Variants in SLC26A11 observed in about 807,000 individuals in gnomAD.
SLC26A11 encodes sodium-independent sulfate anion transporter.
SLC26A11 carries 58 observed loss-of-function variants against 62.2 expected under a neutral mutation model. That is an observed-to-expected ratio of 0.93 (90% confidence interval 0.76 to 1.16). SLC26A11 has a LOEUF of 1.16. Among genes scored for constraint, SLC26A11 ranks in the 50% most tolerant of loss-of-function variants. SLC26A11 has a pLI of 0.00. For synonymous variants in SLC26A11, 411 were observed against 368.9 expected, an observed-to-expected ratio of 1.11 and a Z score of -1.31; for missense variants, 790 against 794.3, an observed-to-expected ratio of 0.99 and a Z score of 0.06.
rs528758397 is a variant in SLC26A11 at position 80,242,909 on chromosome 17, A to G, written c.1036+1088A>G. Among the ~76,000 whole-genome samples, 3 of 152,148 alleles carry G rather than the reference A, an allele frequency of 2.0e-5. No individual in the cohort carries two copies. The South Asian group carries it at 6.2e-4, about 32-fold the overall frequency. ...TTTTTAGTAGAGACGGGGTTTCACC[A>G]TATTGATCAGGCTGGTCTCAAACTC... On this transcript the variant is annotated intron_variant, in intron 10 of 17. Transcript: ENST00000361193.
At chr17:80,250,938 T>G (rs2043139689) in intron 16 of SLC26A11, among the ~76,000 whole-genome samples, 1 of 151,710 alleles carries the variant, frequency 6.6e-6, no homozygotes, top group African/African-American at 2.4e-5. Flanking sequence ...GCCAGGAGTT[T>G]GAGACCAGCC....
intron 7 of SLC26A11, among the ~76,000 whole-genome samples, chr17:80,234,614 C>T (rs923794415): frequency 3.3e-5 from 5 of 152,246 alleles, no homozygotes; most frequent in African/African-American, 1.2e-4. Flanking sequence ...TATGCGATTC[C>T]ACAGACTTTC....
Position 80,223,184 on chromosome 17 carries a change from C to T in SLC26A11, c.428-68C>T. 6.9e-7 allele frequency: 1 copy of T among 1,441,854 alleles called. No individual in the cohort carries two copies. Among genetic ancestry groups the T allele is most frequent in the Non-Finnish European group, 9.7e-7 (1 of 1,028,302 alleles). 89.3% of individuals were successfully genotyped at this position (1,441,854 alleles called of 1,614,324 possible). A position where few individuals can be genotyped will look rare whatever the true frequency, so the allele number is the denominator to read the frequency against. On this transcript the variant is annotated intron_variant, in intron 4 of 17. Transcript: ENST00000361193. The surrounding 1 kb of genome is among the most constrained non-coding windows in gnomAD (Gnocchi z 4.6). The stretch of plus-strand genomic sequence containing the variant: ...ACCCATTGCCACCTTCCCCAGCTCA[C>T]ATCTCCCCTCATCCTCTGGGACTGG...
Position 80,222,955 on chromosome 17 carries a change from ATGTATG to A in SLC26A11, c.427+112_427+117del. On this transcript the variant is annotated intron_variant, in intron 4 of 17. Transcript: ENST00000361193. The surrounding 1 kb of genome is among the most constrained non-coding windows in gnomAD (Gnocchi z 4.7). ...TGTGTGTGCGTGTTGGGGTGTGGGTATGTATGTGTGTGTGTGTAGGTGGGTGGGTGG... is the reference window on the plus strand; with the variant it reads ...TGTGTGTGCGTGTTGGGGTGTGGGTATGTGTGTGTGTAGGTGGGTGGGTGG... The A allele has an allele frequency of 1.4e-6, 1 of 708,528 alleles. No homozygotes were observed. The highest frequency in any genetic ancestry group is 2.3e-6 in the Non-Finnish European group (1 of 441,610). 43.9% of individuals were successfully genotyped at this position (708,528 alleles called of 1,614,324 possible).
Position 80,252,817 on chromosome 17 carries a change from C to T in SLC26A11, c.*101C>T. The T allele has an allele frequency of 9.2e-7, 1 of 1,083,374 alleles. No individual in the cohort carries two copies. Among genetic ancestry groups the T allele is most frequent in the Non-Finnish European group, 1.3e-6 (1 of 743,616 alleles). 67.1% of individuals were successfully genotyped at this position (1,083,374 alleles called of 1,614,324 possible). A position where few individuals can be genotyped will look rare whatever the true frequency, so the allele number is the denominator to read the frequency against. On this transcript the variant is annotated 3_prime_UTR_variant, in exon 18 of 18. Coordinates refer to ENST00000361193, the MANE Select transcript of SLC26A11 (RefSeq NM_001166347.2). This position sits in a 1 kb window ranked among gnomAD's most constrained non-coding sequence, Gnocchi z 5.2. ...CCGCCTGATAGACATGCTGGCCTGG[C>T]TGAGAAACCCCTGAGCAGGTAACCC...
chr17:80,238,025 A>G (rs1207159848), intron 9 of SLC26A11, among the ~76,000 whole-genome samples: 1 of 152,274 alleles, frequency 6.6e-6, no homozygotes, highest in Non-Finnish European at 1.5e-5. Context: ...CATCAGTAGT[A>G]GCCAAATGCC....
At chr17:80,236,808 T>G in intron 7 of SLC26A11, 120 bp from the exon 8 acceptor site, 1 of 1,030,782 alleles carries the variant, frequency 9.7e-7, no homozygotes, top group East Asian at 2.4e-5. Context: ...GAGTGAGGAC[T>G]GTGGCCCGGT....
intron 10 of SLC26A11, among the ~76,000 whole-genome samples, chr17:80,243,384 C>T (rs974460687): frequency 6.7e-6 from 1 of 149,988 alleles, no homozygotes. Context: ...ATCCCATTCC[C>T]ATTACTTTAC....
chr17:80,229,472 C>T (rs2042502716), intron 7 of SLC26A11, among the ~76,000 whole-genome samples: 1 of 151,944 alleles, frequency 6.6e-6, no homozygotes, highest in Non-Finnish European at 1.5e-5. Context: ...CACTCTGTTG[C>T]CCAGGCTGGA....
intron 5 of SLC26A11, among the ~76,000 whole-genome samples, chr17:80,224,298 C>CGT (rs555123036): frequency 3.7e-4 from 31 of 83,756 alleles, no homozygotes; most frequent in African/African-American, 7.4e-4. Flanking sequence ...AGTGAGTGTG[C>CGT]GTGTGTGTGT....
At chr17:80,234,195 G>A (rs951521813) in intron 7 of SLC26A11, among the ~76,000 whole-genome samples, 4 of 152,056 alleles carry the variant, frequency 2.6e-5, no homozygotes, top group African/African-American at 4.8e-5. Context: ...AGCAGAGATG[G>A]GGTTTTGCCA....
intron 7 of SLC26A11, among the ~76,000 whole-genome samples, chr17:80,229,541 C>T (rs999837378): frequency 6.6e-6 from 1 of 152,054 alleles, no homozygotes; most frequent in Non-Finnish European, 1.5e-5. Flanking sequence ...GCAATTATCC[C>T]GCCTCAGCCT....
chr17:80,245,066 G>A lies in SLC26A11; in HGVS notation c.1037-130G>A, dbSNP rs2042959216. 3 of 737,250 alleles carry A rather than the reference G, an allele frequency of 4.1e-6. No individual in the cohort carries two copies. In the South Asian group the frequency reaches 4.6e-5, roughly 11 times the overall value. 45.7% of individuals were successfully genotyped at this position (737,250 alleles called of 1,614,324 possible). On this transcript the variant is annotated intron_variant, in intron 10 of 17. Coordinates refer to ENST00000361193, the MANE Select transcript of SLC26A11 (RefSeq NM_001166347.2). Reference sequence around the variant, plus strand: ...TCCCTGAAGGAGTGCGTAGGCCCAGGCCCCCAGGATGATTCTCCCGAGCCC... The same window carrying A: ...TCCCTGAAGGAGTGCGTAGGCCCAGACCCCCAGGATGATTCTCCCGAGCCC...
In SLC26A11 at chr17:80,221,599, C is replaced by T. The variant is rs761226870; in HGVS notation, c.39C>T (p.Ser13=). 1.9e-6 allele frequency: 3 copies of T among 1,606,376 alleles called. No homozygotes were observed. Among genetic ancestry groups the T allele is most frequent in the East Asian group, 4.5e-5 (2 of 44,858 alleles). Residue 13 remains serine (S), a synonymous_variant, in exon 3 of 18, where the codon TCC becomes TCT. Transcript: ENST00000361193. ...SSVTALGQAR[S]SGPGMAPSAC... ...TGACGGCGCTGGGTCAGGCCAGGTC[C>T]TCTGGCCCCGGGATGGCCCCGAGCG...
chr17:80,249,377 C>T, intron 16 of SLC26A11, 90 bp downstream of exon 16: 2 of 1,524,558 alleles, frequency 1.3e-6, no homozygotes, highest in South Asian at 2.4e-5. Flanking sequence ...CATCTCTGGG[C>T]TGTGATGCTG....
At chr17:80,234,009 AT>A (rs1172724777) in intron 7 of SLC26A11, among the ~76,000 whole-genome samples, 5 of 148,792 alleles carry the variant, frequency 3.4e-5, no homozygotes, top group African/African-American at 1.2e-4. Flanking sequence ...GTTATTTATT[AT>A]TTTTTTTATT....
chr17:80,248,725 C>T (rs935164158), intron 15 of SLC26A11, 51 bp downstream of exon 15: 1 of 1,497,950 alleles, frequency 6.7e-7, no homozygotes, highest in Non-Finnish European at 9.1e-7. Context: ...TGTCCTCTGC[C>T]CCCCACTCCC....
At chr17:80,230,193 C>CAA (rs11338645) in intron 7 of SLC26A11, among the ~76,000 whole-genome samples, 22 of 91,008 alleles carry the variant, frequency 2.4e-4, no homozygotes, top group South Asian at 7.0e-4. Flanking sequence ...GACTCCTTCT[C>CAA]AAAAAAAAAA....
chr17:80,252,795 C>A lies in SLC26A11; in HGVS notation c.*79C>A. On this transcript the variant is annotated 3_prime_UTR_variant, in exon 18 of 18. Transcript: ENST00000361193. The surrounding 1 kb of genome is among the most constrained non-coding windows in gnomAD (Gnocchi z 5.2). ...CACTGTGATTGGATGCTGGATGCCG[C>A]CTGATAGACATGCTGGCCTGGCTGA... 1 of 1,305,118 alleles carries A rather than the reference C, an allele frequency of 7.7e-7. No individual in the cohort carries two copies. Among genetic ancestry groups the A allele is most frequent in the South Asian group, 1.2e-5 (1 of 80,642 alleles). The allele number at this position is 1,305,118 out of a possible 1,614,324, so 80.8% of individuals were successfully genotyped here. A position where few individuals can be genotyped will look rare whatever the true frequency, so the allele number is the denominator to read the frequency against.
Sources: allele counts gnomAD v4.1 joint callset (sites outside exome capture counted in the v4.1 genomes callset), GRCh38; gene constraint gnomAD v4.1.1; non-coding constraint Gnocchi (gnomAD v3.1); transcripts MANE v1.5; gene names NCBI Gene and HGNC (gene_info 2026-07-23, HGNC 2026-07-21).